RFX6: variants seen among roughly 807,000 people sequenced by gnomAD.
RFX6 encodes regulatory factor X6.
A neutral mutation model predicts 110.8 loss-of-function variants in RFX6; 50 were observed. The observed-to-expected ratio is 0.45, with a 90% CI of 0.36 to 0.57. RFX6 has a LOEUF of 0.57. Ranked by LOEUF, RFX6 falls within the 20% of genes least tolerant of loss-of-function variation. The probability of loss-of-function intolerance (pLI) is 0.00; values close to 1 mark genes in which losing one functional copy is unlikely to be tolerated. For synonymous variants in RFX6, 383 were observed against 411.2 expected, an observed-to-expected ratio of 0.93 and a Z score of 0.83; for missense variants, 990 against 1,127.0, an observed-to-expected ratio of 0.88 and a Z score of 1.74.
intron 6 of RFX6, among the ~76,000 whole-genome samples, chr6:116,897,479 T>C (rs576607658): frequency 5.1e-4 from 77 of 152,324 alleles, no homozygotes; most frequent in African/African-American, 1.8e-3. Context: ...TCTGCTTAGC[T>C]ATAGTGTAGA....
chr6:116,921,920 T>C (rs771825575), intron 12 of RFX6, 122 bp from the exon 13 acceptor site: 7 of 653,568 alleles, frequency 1.1e-5, no homozygotes, highest in Non-Finnish European at 1.9e-5. Flanking sequence ...CACATTTATC[T>C]GTCTTTCCCT....
At chr6:116,891,364 T>C (rs562020725) in intron 4 of RFX6, among the ~76,000 whole-genome samples, 7 of 152,220 alleles carry the variant, frequency 4.6e-5, no homozygotes, top group Non-Finnish European at 1.0e-4. Flanking sequence ...TTTACCACGC[T>C]GAAAAGAGGA....
At chr6:116,893,731 G>T (rs1224861231) in intron 4 of RFX6, among the ~76,000 whole-genome samples, 15 of 152,232 alleles carry the variant, frequency 9.9e-5, no homozygotes, top group Non-Finnish European at 4.4e-5. Flanking sequence ...ATGTTTTAGG[G>T]TATGTAAGAG....
At chr6:116,908,378 C>A (rs746216502) in intron 6 of RFX6, among the ~76,000 whole-genome samples, 45 of 151,974 alleles carry the variant, frequency 3.0e-4, no homozygotes, top group Non-Finnish European at 5.3e-4. Flanking sequence ...TTATTGTTAA[C>A]CATAATTTTT....
chr6:116,877,654 C>A, intron 1 of RFX6, 142 bp from the exon 2 acceptor site: 1 of 1,059,816 alleles, frequency 9.4e-7, no homozygotes, highest in Admixed American at 2.2e-5. Flanking sequence ...CAAGTAGAGA[C>A]CTGACATTTT....
chr6:116,924,882 C>G, intron 15 of RFX6, 91 bp downstream of exon 15: 2 of 921,048 alleles, frequency 2.2e-6, no homozygotes, highest in South Asian at 2.8e-5. Context: ...GTGGGTTTAT[C>G]ATAATCTCAG....
intron 7 of RFX6, among the ~76,000 whole-genome samples, chr6:116,912,150 A>C (rs1402881626): frequency 6.6e-6 from 1 of 152,162 alleles, no homozygotes; most frequent in Non-Finnish European, 1.5e-5. Context: ...TTCTAGTCAT[A>C]AAATGGCAAC....
Position 116,919,312 on chromosome 6 carries a change from A to G in RFX6, c.1182+16A>G. 1 of 1,608,666 alleles carries G rather than the reference A, an allele frequency of 6.2e-7. No homozygotes were observed. ...TCTTGCCCAGGTATGTTGGTTGCTAAGTCGAGAGCATTTGAGTCACCATAT... is the reference window on the plus strand; with the variant it reads ...TCTTGCCCAGGTATGTTGGTTGCTAGGTCGAGAGCATTTGAGTCACCATAT... On this transcript the variant is annotated intron_variant, in intron 11 of 18. Coordinates refer to ENST00000332958, the MANE Select transcript of RFX6 (RefSeq NM_173560.4).
chr6:116,903,590 C>G (rs577015365), intron 6 of RFX6, among the ~76,000 whole-genome samples: 1 of 152,134 alleles, frequency 6.6e-6, no homozygotes, highest in South Asian at 2.1e-4. Context: ...TTACCACTCT[C>G]CAGAATATGG....
At position 116,925,655 on chromosome 6, in the gene RFX6, C is replaced by T. The variant is rs929095319; in HGVS notation, c.1881C>T (p.Leu627=). Residue 627 remains leucine (L), a synonymous_variant, in exon 16 of 19, where the codon CTC becomes CTT. Coordinates refer to ENST00000332958, the MANE Select transcript of RFX6 (RefSeq NM_173560.4). ...FPAGNTDNMP[L]TGQMELSQIA... is the part of the protein sequence containing the mutation. ...CTGGGAACACAGACAACATGCCGCTCACAGGTACGCTAAAGAGAACTGCTT... is the reference window on the plus strand; with the variant it reads ...CTGGGAACACAGACAACATGCCGCTTACAGGTACGCTAAAGAGAACTGCTT... 2.5e-6 allele frequency: 4 copies of T among 1,611,126 alleles called. No individual in the cohort carries two copies. Among genetic ancestry groups the T allele is most frequent in the Non-Finnish European group, 2.5e-6 (3 of 1,177,414 alleles).
intron 6 of RFX6, among the ~76,000 whole-genome samples, chr6:116,896,730 G>C (rs1774956154): frequency 6.6e-6 from 1 of 151,946 alleles, no homozygotes; most frequent in South Asian, 2.1e-4. Context: ...TTGTATTTAG[G>C]GCGACCAACC....
At position 116,927,743 on chromosome 6, in the gene RFX6, C is replaced by CTT. The variant is rs60638457; in HGVS notation, c.2398+222_2398+223dup. 3.0e-4 allele frequency among the ~76,000 whole-genome samples: 36 copies of CTT among 119,520 alleles called. 2 individuals are homozygous for CTT. Among genetic ancestry groups the CTT allele is most frequent in the African/African-American group, 7.4e-4 (23 of 31,048 alleles). The allele number at this position is 119,520 out of a possible 152,430, so 78.4% of individuals were successfully genotyped here. A position where few individuals can be genotyped will look rare whatever the true frequency, so the allele number is the denominator to read the frequency against. ...GGCTTTCCTAAAGTTGCCCTTCTTCCTTTTTTTTTTTTTTTTTTTGAGACA... is the reference window on the plus strand; with the variant it reads ...GGCTTTCCTAAAGTTGCCCTTCTTCCTTTTTTTTTTTTTTTTTTTTTGAGACA... On this transcript the variant is annotated intron_variant, in intron 17 of 18. Coordinates refer to ENST00000332958, the MANE Select transcript of RFX6 (RefSeq NM_173560.4).
Position 116,886,582 on chromosome 6 carries a change from A to G in RFX6, c.566+4154A>G, listed in dbSNP as rs763663287. Among the ~76,000 whole-genome samples, 17 of 152,110 alleles carry G rather than the reference A, an allele frequency of 1.1e-4. 1 individual carries two copies. Among genetic ancestry groups the G allele is most frequent in the Non-Finnish European group, 2.2e-4 (15 of 68,014 alleles). ...AATGTGGTGTCTATTTTCAAGTTCT[A>G]TTTTCCTAAGTTTTGAAATAACTGG... On this transcript the variant is annotated intron_variant, in intron 4 of 18. Coordinates refer to ENST00000332958, the MANE Select transcript of RFX6 (RefSeq NM_173560.4).
At chr6:116,910,878 A>G (rs1582526964) in intron 6 of RFX6, 57 bp from the exon 7 acceptor site, 6 of 1,119,676 alleles carry the variant, frequency 5.4e-6, no homozygotes, top group Non-Finnish European at 8.2e-6. Flanking sequence ...CTAGAATAGT[A>G]CTTTGGAAGC....
chr6:116,879,112 T>C (rs1387043834), intron 2 of RFX6, among the ~76,000 whole-genome samples: 1 of 151,918 alleles, frequency 6.6e-6, no homozygotes, highest in East Asian at 1.9e-4. Context: ...GAATGATTAC[T>C]CCATTTTTTC....
intron 12 of RFX6, 117 bp downstream of exon 12, chr6:116,920,571 T>C (rs559534562): frequency 2.7e-5 from 23 of 866,570 alleles, no homozygotes; most frequent in Admixed American, 2.4e-4. Flanking sequence ...TTTAGCAGCA[T>C]CCTTGACCTT....
chr6:116,924,620 C>CT, intron 14 of RFX6, 49 bp from the exon 15 acceptor site: 1 of 1,563,376 alleles, frequency 6.4e-7, no homozygotes, highest in Non-Finnish European at 8.8e-7. Flanking sequence ...TTTCTCTCCC[C>CT]TTTTTACATT....
chr6:116,917,015 T>C (rs1482998299), intron 9 of RFX6, among the ~76,000 whole-genome samples: 5 of 152,132 alleles, frequency 3.3e-5, no homozygotes, highest in African/African-American at 9.6e-5. Flanking sequence ...TTTTAAAAAA[T>C]AATCTGAGTT....
intron 14 of RFX6, chr6:116,923,583 G>A: frequency 4.6e-6 from 1 of 218,146 alleles, no homozygotes; most frequent in Non-Finnish European, 9.2e-6. Flanking sequence ...TTCCATCAGT[G>A]CTTGGATAAA....
Sources: gnomAD v4.1 joint callset for allele counts (sites outside exome capture counted in the v4.1 genomes callset) on GRCh38, gnomAD v4.1.1 for gene constraint, MANE v1.5 for transcripts, NCBI Gene and HGNC (gene_info 2026-07-23, HGNC 2026-07-21) for gene names.